The following LSM14B variants were observed in gnomAD, a reference collection of about 807,000 sequenced individuals.
LSM14B encodes LSM family member 14B.
A neutral mutation model predicts 42.1 loss-of-function variants in LSM14B; 8 were observed. That is an observed-to-expected ratio of 0.19 (90% CI 0.11 to 0.34). The LOEUF is 0.34. LSM14B is among the 10% of genes least tolerant of loss of function. The probability of loss-of-function intolerance (pLI) is 1.00; values close to 1 mark genes in which losing one functional copy is unlikely to be tolerated. For synonymous variants in LSM14B, 219 were observed against 209.7 expected (o/e 1.04, Z -0.38); for missense variants, 396 against 513.1 (o/e 0.77, Z 2.21).
intron 2 of LSM14B, 24 bp from the exon 3 acceptor site, chr20:62,126,280 C>T: frequency 6.2e-7 from 1 of 1,613,914 alleles, no homozygotes; most frequent in Non-Finnish European, 8.5e-7. Flanking sequence ...CTTCGCCGTT[C>T]TCACCCGATG....
rs1158371993 is a variant in LSM14B, at chr20:62,130,124, G to A, written c.596-95G>A. 4.0e-6 allele frequency: 6 copies of A among 1,501,210 alleles called. No homozygotes were observed. Among genetic ancestry groups the A allele is most frequent in the South Asian group, 3.7e-5 (3 of 81,604 alleles). 93.0% of individuals were successfully genotyped at this position (1,501,210 alleles called of 1,614,324 possible). On this transcript the variant is annotated intron_variant, in intron 4 of 8. Coordinates refer to ENST00000279068, the MANE Select transcript of LSM14B (RefSeq NM_144703.3). This position sits in a 1 kb window ranked among gnomAD's most constrained non-coding sequence, Gnocchi z 4.1. ...AGCCTCCTGCGGTGCCGCCCTGGCC[G>A]CGTGCCCCATGGTGGTGGGGCCTGC...
rs764619357 is a variant in LSM14B at position 62,135,156 on chromosome 20, G to C, written c.*1008G>C. On this transcript the variant is annotated 3_prime_UTR_variant, in exon 9 of 9. Transcript: ENST00000279068. ...GGTCAGAACTTTAGTATACGCATGCGTCCTCTGAGTGACAGGGCATTTTGT... is the reference window on the plus strand; with the variant it reads ...GGTCAGAACTTTAGTATACGCATGCCTCCTCTGAGTGACAGGGCATTTTGT... The C allele has an allele frequency of 6.6e-6, 1 of 152,184 alleles. No homozygotes were observed. The highest frequency in any genetic ancestry group is 2.4e-5 in the African/African-American group (1 of 41,420). The allele number at this position is 152,184 out of a possible 1,614,324, so 9.4% of individuals were successfully genotyped here.
intron 3 of LSM14B, chr20:62,127,822 G>A (rs2056649425): frequency 3.9e-6 from 3 of 775,548 alleles, no homozygotes; most frequent in Non-Finnish European, 6.9e-6. Flanking sequence ...TGCAGCCGCT[G>A]AGCTGCTTGT....
In LSM14B at chr20:62,134,343, A is replaced by T. The variant is rs1471446219; in HGVS notation, c.*195A>T. On this transcript the variant is annotated 3_prime_UTR_variant, in exon 9 of 9. Transcript: ENST00000279068. ...TGAGTTAGAACCACTTGTTTTGGGG[A>T]AGTATTCATGGGTAACCTCTTTGAG... The T allele has an allele frequency of 2.1e-6, 1 of 471,518 alleles. No homozygotes were observed. The highest frequency in any genetic ancestry group is 4.4e-6 in the Non-Finnish European group (1 of 227,162). 29.2% of individuals were successfully genotyped at this position (471,518 alleles called of 1,614,324 possible). A position where few individuals can be genotyped will look rare whatever the true frequency, so the allele number is the denominator to read the frequency against.
chr20:62,126,433 G>A lies in LSM14B; in HGVS notation c.421G>A (p.Gly141Ser). 6.2e-7 allele frequency: 1 copy of A among 1,608,570 alleles called. No individual in the cohort carries two copies. The highest frequency in any genetic ancestry group is 8.5e-7 in the Non-Finnish European group (1 of 1,179,736). ...LLSQQYAASLGLGAGFPSIPV... is the reference protein window; with the variant it reads ...LLSQQYAASLSLGAGFPSIPV... The stretch of plus-strand genomic sequence containing the variant: ...CAGCCAGCAGTATGCCGCCTCCCTG[G>A]GTCTAGGTGAGTGACCTGTTTCTGT... Residue 141 changes from glycine (G) to serine (S), a missense_variant, in exon 3 of 9, where the codon GGT (glycine) becomes AGT (serine). Transcript: ENST00000279068.
Position 62,124,799 on chromosome 20 carries a change from C to G in LSM14B, c.291+19C>G, listed in dbSNP as rs770106280. On this transcript the variant is annotated intron_variant, in intron 2 of 8. Coordinates refer to ENST00000279068, the MANE Select transcript of LSM14B (RefSeq NM_144703.3). ...TGTTCAGGTAAGTGTGCCACTGTCC[C>G]TCTGTGCATGCTGTAGGAGATGCTG... The G allele has an allele frequency of 4.4e-6, 7 of 1,607,450 alleles. No homozygotes were observed. In the African/African-American group the frequency reaches 8.0e-5, roughly 18 times the overall value.
chr20:62,126,186 C>T, intron 2 of LSM14B, 118 bp from the exon 3 acceptor site: 1 of 1,498,934 alleles, frequency 6.7e-7, no homozygotes, highest in Non-Finnish European at 9.1e-7. Context: ...CCTCCAGCAT[C>T]TCAAGGGTGC....
At chr20:62,123,023 G>T (rs982015445) in intron 1 of LSM14B, 54 of 244,308 alleles carry the variant, frequency 2.2e-4, no homozygotes, top group Admixed American at 5.2e-4. Flanking sequence ...CCGCACAATG[G>T]TCTCCCTGGG....
chr20:62,124,492 C>A, intron 1 of LSM14B, 125 bp from the exon 2 acceptor site: 1 of 936,672 alleles, frequency 1.1e-6, no homozygotes, highest in Non-Finnish European at 1.6e-6. Context: ...AAATGTGGAC[C>A]TGGGGTGCTG....
In LSM14B at chr20:62,130,595, A is replaced by G; in HGVS notation, c.739A>G (p.Ile247Val). 6.2e-7 allele frequency: 1 copy of G among 1,614,002 alleles called. No individual in the cohort carries two copies. The highest frequency in any genetic ancestry group is 8.5e-7 in the Non-Finnish European group (1 of 1,179,884). ...NRPTNVKENTIKFEGDFDFES... is the reference protein window; with the variant it reads ...NRPTNVKENTVKFEGDFDFES... ...TCCAACTAACGTTAAGGAAAACACA[A>G]TCAAATTTGAGGGTGACTTTGATTT... The change falls in exon 6 of 9, where the codon ATC (isoleucine) becomes GTC (valine). Residue 247 changes from isoleucine to valine, a missense_variant. By Grantham distance (29) the Ile-to-Val change is conservative. Around this residue, in one of 3 missense-constraint regions of LSM14B, gnomAD observed 274 missense variants for 335.8 expected, o/e 0.82. Transcript: ENST00000279068. This position sits in a 1 kb window ranked among gnomAD's most constrained non-coding sequence, Gnocchi z 4.1.
chr20:62,127,584 G>A, intron 3 of LSM14B: 1 of 1,547,238 alleles, frequency 6.5e-7, no homozygotes, highest in Non-Finnish European at 8.7e-7. Flanking sequence ...TCTTCCTTTA[G>A]AGAAGTTGGT....
In LSM14B at chr20:62,130,561, G is replaced by A. The variant is rs555051218; in HGVS notation, c.705G>A (p.Gly235=). 3.7e-6 allele frequency: 6 copies of A among 1,613,862 alleles called. No homozygotes were observed. In the East Asian group the frequency reaches 6.7e-5, roughly 18 times the overall value. ...GGCGAACAAGGAATCGCTCCAGAGG[G>A]CAAAACCGTCCAACTAACGTTAAGG... ...GNRRTRNRSR[G]QNRPTNVKEN... Residue 235 remains glycine (G), a synonymous_variant, in exon 6 of 9, where the codon GGG becomes GGA. Coordinates refer to ENST00000279068, the MANE Select transcript of LSM14B (RefSeq NM_144703.3). The surrounding 1 kb of genome is among the most constrained non-coding windows in gnomAD (Gnocchi z 4.1).
chr20:62,131,111 G>A (rs1600942905), intron 6 of LSM14B, among the ~76,000 whole-genome samples: 1 of 152,204 alleles, frequency 6.6e-6, no homozygotes, highest in Non-Finnish European at 1.5e-5. Context: ...CCGGCAGTGA[G>A]GAATTAATGA....
intron 8 of LSM14B, among the ~76,000 whole-genome samples, chr20:62,133,907 G>T (rs1275897055): frequency 2.0e-5 from 3 of 152,232 alleles, no homozygotes; most frequent in African/African-American, 7.2e-5. Flanking sequence ...CCCACATGGG[G>T]TGCCTGGTGC....
chr20:62,131,006 C>T (rs964349958), intron 6 of LSM14B, among the ~76,000 whole-genome samples: 13 of 152,106 alleles, frequency 8.5e-5, no homozygotes, highest in Non-Finnish European at 1.5e-4. Flanking sequence ...GCCAAGATTG[C>T]GCCACTGCAC....
chr20:62,124,831 A>G (rs1454944490), intron 2 of LSM14B, 51 bp downstream of exon 2: 3 of 1,546,334 alleles, frequency 1.9e-6, no homozygotes, highest in Non-Finnish European at 2.6e-6. Flanking sequence ...GCTGGTTTCC[A>G]TTTGGAGCTT....
intron 1 of LSM14B, among the ~76,000 whole-genome samples, chr20:62,123,713 T>A (rs2056491121): frequency 6.6e-6 from 1 of 152,178 alleles, no homozygotes; most frequent in Non-Finnish European, 1.5e-5. Flanking sequence ...GTTCTTGAAG[T>A]GTCTAGACGC....
intron 8 of LSM14B, 58 bp from the exon 9 acceptor site, chr20:62,134,105 A>G (rs1354192553): frequency 5.2e-6 from 2 of 383,916 alleles, no homozygotes; most frequent in Non-Finnish European, 1.1e-5. Flanking sequence ...GCTCGCCAGC[A>G]GGGGCAACAG....
chr20:62,122,693 T>C lies in LSM14B; in HGVS notation c.27T>C (p.Tyr9=), dbSNP rs970931361. The change falls in exon 1 of 9, where the codon TAT becomes TAC. Residue 9 remains tyrosine, a synonymous_variant. Coordinates refer to ENST00000279068, the MANE Select transcript of LSM14B (RefSeq NM_144703.3). This position sits in a 1 kb window ranked among gnomAD's most constrained non-coding sequence, Gnocchi z 4.6. MSGSSGTP[Y]LGSKISLISK... ...TGAGCGGCTCCTCAGGCACCCCGTA[T>C]CTGGGCAGCAAGATCAGCCTCATCT... The C allele has an allele frequency of 1.3e-6, 2 of 1,492,316 alleles. No homozygotes were observed. 92.4% of individuals were successfully genotyped at this position (1,492,316 alleles called of 1,614,324 possible). A position where few individuals can be genotyped will look rare whatever the true frequency, so the allele number is the denominator to read the frequency against.
Sources: allele counts gnomAD v4.1 joint callset (sites outside exome capture counted in the v4.1 genomes callset), GRCh38; gene constraint gnomAD v4.1.1; regional missense constraint gnomAD v4.1.1; non-coding constraint Gnocchi (gnomAD v3.1); transcripts MANE v1.5; gene names NCBI Gene and HGNC (gene_info 2026-07-23, HGNC 2026-07-21).